The following ZNF140 variants were observed in gnomAD, a reference collection of about 807,000 sequenced individuals.
The protein encoded by ZNF140 is zinc finger protein 140 (clone pHZ-39).
ZNF140 carries 13 observed loss-of-function variants against 12.9 expected under a neutral mutation model. The observed-to-expected ratio is 1.01, with a 90% CI of 0.66 to 1.60. The LOEUF (loss-of-function observed/expected upper bound fraction) is 1.60. Among genes scored for constraint, ZNF140 ranks in the 40% most tolerant of loss-of-function variants. The pLI is 0.00. For missense variants in ZNF140, 531 were observed against 548.8 expected (o/e 0.97, Z 0.32); for synonymous variants, 214 against 186.7 (o/e 1.15, Z -1.19).
rs1207617253 is a variant in ZNF140 at position 133,084,238 on chromosome 12, G to GA, written c.232+687dup. 6.2e-3 allele frequency: 2,105 copies of GA among 340,200 alleles called. 1 individual carries two copies. Among genetic ancestry groups the GA allele is most frequent in the South Asian group, 8.7e-3 (381 of 43,786 alleles). The allele number at this position is 340,200 out of a possible 1,614,324, so 21.1% of individuals were successfully genotyped here. A position where few individuals can be genotyped will look rare whatever the true frequency, so the allele number is the denominator to read the frequency against. On this transcript the variant is annotated intron_variant, in intron 4 of 4. Coordinates refer to ENST00000355557, the MANE Select transcript of ZNF140 (RefSeq NM_003440.4). ...TATTGCCTGAATTCAACCTGAGAAA[G>GA]AAAAAAAAAATTAAAAGTACATATT...
chr12:133,100,355 G>C (rs1278115951), intron 4 of ZNF140, among the ~76,000 whole-genome samples: 4 of 151,798 alleles, frequency 2.6e-5, no homozygotes, highest in South Asian at 2.1e-4. Flanking sequence ...TTTTTTTAGA[G>C]ATGGGTGCTC....
intron 2 of ZNF140, chr12:133,082,757 A>C (rs1954546185): frequency 5.6e-6 from 1 of 178,564 alleles, no homozygotes; most frequent in African/African-American, 2.4e-5. Context: ...GCTGGTATTA[A>C]GGAAAATATA....
At chr12:133,082,913 T>C in intron 2 of ZNF140, 190 bp from the exon 3 acceptor site, 1 of 707,786 alleles carries the variant, frequency 1.4e-6, no homozygotes, top group Non-Finnish European at 2.2e-6. Context: ...GTTTTTCTCC[T>C]TTTCTCCAGT....
intron 4 of ZNF140, among the ~76,000 whole-genome samples, chr12:133,097,292 C>A (rs1955162861): frequency 1.3e-5 from 2 of 152,154 alleles, no homozygotes; most frequent in African/African-American, 4.8e-5. Flanking sequence ...TTTTGTGATG[C>A]ACTCTGACAA....
At chr12:133,089,677 C>T (rs1402142932) in intron 4 of ZNF140, among the ~76,000 whole-genome samples, 2 of 152,114 alleles carry the variant, frequency 1.3e-5, no homozygotes, top group African/African-American at 4.8e-5. Flanking sequence ...TTTTTATGCC[C>T]ATGAAATTTG....
chr12:133,090,705 C>A (rs1274740712), intron 4 of ZNF140, among the ~76,000 whole-genome samples: 1 of 149,170 alleles, frequency 6.7e-6, no homozygotes, highest in Non-Finnish European at 1.5e-5. Context: ...TCTGAGTTCC[C>A]TCAGTTTTTA....
chr12:133,085,767 A>C (rs1954653699), intron 4 of ZNF140, among the ~76,000 whole-genome samples: 1 of 152,200 alleles, frequency 6.6e-6, no homozygotes, highest in African/African-American at 2.4e-5. Context: ...CTATAATTCC[A>C]ATACTTTGGG....
At chr12:133,097,550 C>T (rs975895772) in intron 4 of ZNF140, among the ~76,000 whole-genome samples, 2 of 150,418 alleles carry the variant, frequency 1.3e-5, no homozygotes, top group Admixed American at 6.6e-5. Flanking sequence ...GGCTGAGGCA[C>T]GAGAATGGCG....
rs369622403 is a variant in ZNF140 at position 133,083,337 on chromosome 12, A to C, written c.136+108A>C. ...GAGAGGTATGGGGTTTCTTAAAATT[A>C]GTTTTAAGATGGGGACGTAACTGCA... On this transcript the variant is annotated intron_variant, in intron 3 of 4. Transcript: ENST00000355557. 10 of 1,499,858 alleles carry C rather than the reference A, an allele frequency of 6.7e-6. No individual in the cohort carries two copies. The South Asian group carries it at 8.0e-5, about 12-fold the overall frequency. 92.9% of individuals were successfully genotyped at this position (1,499,858 alleles called of 1,614,324 possible).
chr12:133,087,013 T>C (rs1431888904), intron 4 of ZNF140, among the ~76,000 whole-genome samples: 4 of 151,682 alleles, frequency 2.6e-5, no homozygotes, highest in African/African-American at 9.8e-5. Flanking sequence ...GTTACAGATT[T>C]AATGATTAAC....
At chr12:133,096,570 A>C (rs1955137476) in intron 4 of ZNF140, among the ~76,000 whole-genome samples, 1 of 152,204 alleles carries the variant, frequency 6.6e-6, no homozygotes, top group African/African-American at 2.4e-5. Context: ...CCACTGAAAT[A>C]AGTTGTATTT....
chr12:133,106,195 T>C lies in ZNF140; in HGVS notation c.918T>C (p.Cys306=), dbSNP rs756378679. The change falls in exon 5 of 5, where the codon TGT becomes TGC. Residue 306 remains cysteine, a synonymous_variant. Coordinates refer to ENST00000355557, the MANE Select transcript of ZNF140 (RefSeq NM_003440.4). ...TGEKPYECIE[C]GKAFRRFSHL... ...AGAAACCTTATGAATGCATTGAATG[T>C]GGGAAGGCATTTCGCCGTTTCTCAC... 8 of 1,614,004 alleles carry C rather than the reference T, an allele frequency of 5.0e-6. No individual in the cohort carries two copies. Among genetic ancestry groups the C allele is most frequent in the Middle Eastern group, 1.6e-4 (1 of 6,084 alleles).
chr12:133,097,422 T>A (rs1425538348), intron 4 of ZNF140, among the ~76,000 whole-genome samples: 5 of 152,210 alleles, frequency 3.3e-5, no homozygotes, highest in East Asian at 3.9e-4. Flanking sequence ...GGTGGGCAGA[T>A]CATGAGTTCA....
At chr12:133,090,295 C>G (rs1954812383) in intron 4 of ZNF140, among the ~76,000 whole-genome samples, 1 of 152,068 alleles carries the variant, frequency 6.6e-6, no homozygotes, top group African/African-American at 2.4e-5. Flanking sequence ...CATGCCAACA[C>G]TCCTGACTAA....
rs1313261995 is a variant in ZNF140 at position 133,083,233 on chromosome 12, A to G, written c.136+4A>G. 33 of 1,605,238 alleles carry G rather than the reference A, an allele frequency of 2.1e-5. No individual in the cohort carries two copies. The highest frequency in any genetic ancestry group is 1.7e-4 in the Middle Eastern group (1 of 5,900). ...TATGGCCATCTGGTCTCACTGGGTA[A>G]GTATTCTTCTTCATCTCCCTCAAGG... On this transcript the variant is annotated splice_donor_region_variant and intron_variant, in intron 3 of 4. Transcript: ENST00000355557.
At chr12:133,095,697 G>A (rs1381829916) in intron 4 of ZNF140, among the ~76,000 whole-genome samples, 2 of 151,794 alleles carry the variant, frequency 1.3e-5, no homozygotes, top group Admixed American at 6.6e-5. Context: ...TAGGAGAGCA[G>A]GGTGATAATA....
At chr12:133,099,093 C>G (rs1490348782) in intron 4 of ZNF140, among the ~76,000 whole-genome samples, 1 of 152,070 alleles carries the variant, frequency 6.6e-6, no homozygotes, top group South Asian at 2.1e-4. Context: ...CCAGGCTGGT[C>G]TCCAACTCCT....
At chr12:133,097,642 CAA>C (rs373060839) in intron 4 of ZNF140, among the ~76,000 whole-genome samples, 2,173 of 133,278 alleles carry the variant, frequency 0.016, 27 homozygotes, top group Non-Finnish European at 0.025. Context: ...GACTCTGTCT[CAA>C]AAAAAAAAAA....
At chr12:133,095,666 T>C (rs1353103571) in intron 4 of ZNF140, among the ~76,000 whole-genome samples, 2 of 151,874 alleles carry the variant, frequency 1.3e-5, no homozygotes, top group Non-Finnish European at 2.9e-5. Context: ...ATTTTCATTA[T>C]TTCAGCAAAA....
Sources: gnomAD v4.1 joint callset for allele counts (sites outside exome capture counted in the v4.1 genomes callset) on GRCh38, gnomAD v4.1.1 for gene constraint, MANE v1.5 for transcripts, NCBI Gene and HGNC (gene_info 2026-07-23, HGNC 2026-07-21) for gene names.